BTBD2: variants seen among roughly 807,000 people sequenced by gnomAD.
The protein encoded by BTBD2 is BTB/POZ domain-containing protein 2.
A neutral mutation model predicts 44.0 loss-of-function variants in BTBD2; 15 were observed. The ratio of observed to expected loss-of-function variants is 0.34; its 90% confidence interval spans 0.23 to 0.53. The LOEUF (loss-of-function observed/expected upper bound fraction) is 0.53, where lower values mean the gene tolerates loss of function less well. Ranked by LOEUF, BTBD2 falls within the 20% of genes least tolerant of loss-of-function variation. BTBD2 has a pLI of 0.95. For synonymous variants in BTBD2, 443 were observed against 335.9 expected, an observed-to-expected ratio of 1.32 and a Z score of -3.49; for missense variants, 657 against 746.4, an observed-to-expected ratio of 0.88 and a Z score of 1.39.
At position 2,000,122 on chromosome 19, in the gene BTBD2, G is replaced by A. The variant is rs115455950; in HGVS notation, c.408-2659C>T. ...CCTCCCTTGAGCCTCCAGAGGGAGC[G>A]CCGCCCTCGGACGCCTTGATCCATG... On this transcript the variant is annotated intron_variant, in intron 1 of 8. Coordinates refer to ENST00000255608, the MANE Select transcript of BTBD2 (RefSeq NM_017797.4). Among the ~76,000 whole-genome samples the A allele has an allele frequency of 3.0e-3, 458 of 152,282 alleles. 2 individuals are homozygous for A. The highest frequency in any genetic ancestry group is 9.9e-3 in the African/African-American group (411 of 41,570).
intron 1 of BTBD2, among the ~76,000 whole-genome samples, chr19:2,005,350 C>CT (rs911616131): frequency 5.9e-5 from 9 of 152,280 alleles, no homozygotes; most frequent in African/African-American, 1.9e-4. Flanking sequence ...GGGTCTCACT[C>CT]TGTCACCCAG....
intron 1 of BTBD2, among the ~76,000 whole-genome samples, chr19:2,006,584 A>C (rs2016397805): frequency 6.6e-6 from 1 of 152,000 alleles, no homozygotes; most frequent in Non-Finnish European, 1.5e-5. Context: ...AAATTCCTTT[A>C]TCACTTGACA....
At chr19:1,989,037 C>T (rs569014977) in intron 5 of BTBD2, among the ~76,000 whole-genome samples, 2 of 152,186 alleles carry the variant, frequency 1.3e-5, no homozygotes, top group Non-Finnish European at 2.9e-5. Context: ...CTCAGCCTCC[C>T]GGGTAGCTGG....
intron 1 of BTBD2, among the ~76,000 whole-genome samples, chr19:2,001,621 G>C (rs894869365): frequency 6.6e-6 from 1 of 152,244 alleles, no homozygotes; most frequent in African/African-American, 2.4e-5. Context: ...GAACCTCCAA[G>C]CTGGTGACTT....
At chr19:1,999,058 T>G (rs947112941) in intron 1 of BTBD2, among the ~76,000 whole-genome samples, 1 of 152,080 alleles carries the variant, frequency 6.6e-6, no homozygotes, top group Non-Finnish European at 1.5e-5. Flanking sequence ...CAGGACTGGC[T>G]GGGCGACCTC....
rs369813811 is a variant in BTBD2, at chr19:1,987,724, G to A, written c.989-32C>T. 276 of 1,549,398 alleles carry A rather than the reference G, an allele frequency of 1.8e-4. No homozygotes were observed. The African/African-American group carries it at 3.4e-3, about 19-fold the overall frequency. On this transcript the variant is annotated intron_variant, in intron 5 of 8. Coordinates refer to ENST00000255608, the MANE Select transcript of BTBD2 (RefSeq NM_017797.4). ...CACAGGGAGGGTGTGGGGGAGGGCCGGGCTGCACCCCAGGATCCCGAGTGC... is the reference window on the plus strand; with the variant it reads ...CACAGGGAGGGTGTGGGGGAGGGCCAGGCTGCACCCCAGGATCCCGAGTGC...
At chr19:2,010,640 CACCT>C (rs1281433756) in intron 1 of BTBD2, among the ~76,000 whole-genome samples, 1 of 150,982 alleles carries the variant, frequency 6.6e-6, no homozygotes, top group Admixed American at 6.6e-5. Flanking sequence ...GACATCCCCC[CACCT>C]TTTTTTTTTT....
chr19:1,999,726 C>T (rs972430154), intron 1 of BTBD2, among the ~76,000 whole-genome samples: 7 of 151,632 alleles, frequency 4.6e-5, no homozygotes, highest in Admixed American at 2.6e-4. Flanking sequence ...TTTGGGAGGC[C>T]AAGGCAGGCA....
At chr19:1,995,268 T>C (rs905965793) in intron 2 of BTBD2, among the ~76,000 whole-genome samples, 7 of 128,438 alleles carry the variant, frequency 5.5e-5, no homozygotes, top group African/African-American at 2.2e-4. Context: ...CGCCTAGCCA[T>C]ACTTTGGATT....
At position 2,015,285 on chromosome 19, in the gene BTBD2, C is replaced by T. The variant is rs1568225280; in HGVS notation, c.407+12G>A. The T allele has an allele frequency of 2.6e-6, 4 of 1,539,796 alleles. No individual in the cohort carries two copies. Among genetic ancestry groups the T allele is most frequent in the East Asian group, 2.4e-5 (1 of 41,226 alleles). On this transcript the variant is annotated intron_variant, in intron 1 of 8. Coordinates refer to ENST00000255608, the MANE Select transcript of BTBD2 (RefSeq NM_017797.4). ...GGGTCGGGGCCAGGGCTGGCGGGGT[C>T]GGGGCGCCCACCTGTGCGCGGGGAT...
In BTBD2 at chr19:1,986,314, C is replaced by T. The variant is rs529099856; in HGVS notation, c.*174G>A. 20 of 784,508 alleles carry T rather than the reference C, an allele frequency of 2.5e-5. No individual in the cohort carries two copies. In the Admixed American group the frequency reaches 3.2e-4, roughly 13 times the overall value. The allele number at this position is 784,508 out of a possible 1,614,324, so 48.6% of individuals were successfully genotyped here. A position where few individuals can be genotyped will look rare whatever the true frequency, so the allele number is the denominator to read the frequency against. On this transcript the variant is annotated 3_prime_UTR_variant, in exon 9 of 9. Transcript: ENST00000255608. Reference sequence around the variant, plus strand: ...GCTGCCCTGATCCAGCAGCCACACTCGTGGTGAACACAGGGCAACCCCGTC... The same window carrying T: ...GCTGCCCTGATCCAGCAGCCACACTTGTGGTGAACACAGGGCAACCCCGTC...
Position 1,990,034 on chromosome 19 carries a change from G to A in BTBD2, c.958C>T (p.Pro320Ser). 1 of 1,613,354 alleles carries A rather than the reference G, an allele frequency of 6.2e-7. No homozygotes were observed. Among genetic ancestry groups the A allele is most frequent in the Non-Finnish European group, 8.5e-7 (1 of 1,180,028 alleles). The change falls in exon 5 of 9, where the codon CCG (proline) becomes TCG (serine). Residue 320 changes from proline to serine, a missense_variant. Physicochemically the swap from Pro to Ser is moderately conservative, Grantham distance 74. Around this residue, in one of 3 missense-constraint regions of BTBD2, gnomAD observed 449 missense variants for 510.9 expected, o/e 0.88. Coordinates refer to ENST00000255608, the MANE Select transcript of BTBD2 (RefSeq NM_017797.4). ...GCGAACTCCTCGATGGTCATGAGCG[G>A]GAAGCGAATGAGGCCCAGGGCCTTG... ...LGKALGLIRF[P>S]LMTIEEFAAG...
chr19:1,987,799 G>T, intron 5 of BTBD2, 107 bp from the exon 6 acceptor site: 1 of 1,200,990 alleles, frequency 8.3e-7, no homozygotes, highest in Non-Finnish European at 1.1e-6. Context: ...GGACTTTCAA[G>T]GTGCAGGGAC....
At chr19:1,987,032 C>T (rs920007441) in intron 7 of BTBD2, 56 bp from the exon 8 acceptor site, 9 of 1,596,310 alleles carry the variant, frequency 5.6e-6, no homozygotes, top group African/African-American at 2.7e-5. Flanking sequence ...ACGGGGACCC[C>T]TCGAGGCCCA....
intron 1 of BTBD2, chr19:2,003,642 C>A (rs1366033787): frequency 6.6e-6 from 1 of 151,908 alleles, no homozygotes; most frequent in Admixed American, 6.6e-5. Context: ...GTGATGCATG[C>A]CTGTAATCCC....
At chr19:1,990,258 G>T (rs2016155859) in intron 4 of BTBD2, 57 bp from the exon 5 acceptor site, 1 of 1,529,842 alleles carries the variant, frequency 6.5e-7, no homozygotes, top group African/African-American at 1.4e-5. Context: ...CACCCTGCAG[G>T]AGGCAGTGAG....
chr19:1,998,825 C>T lies in BTBD2; in HGVS notation c.408-1362G>A, dbSNP rs76493645. ...GACGCTGGTGGGGCGGGTTCACAGACGCTCGCGAAGTGGGATCACAGACGC... is the reference window on the plus strand; with the variant it reads ...GACGCTGGTGGGGCGGGTTCACAGATGCTCGCGAAGTGGGATCACAGACGC... On this transcript the variant is annotated intron_variant, in intron 1 of 8. Coordinates refer to ENST00000255608, the MANE Select transcript of BTBD2 (RefSeq NM_017797.4). 5.3e-5 allele frequency among the ~76,000 whole-genome samples: 8 copies of T among 152,032 alleles called. 1 individual carries two copies. Among genetic ancestry groups the T allele is most frequent in the South Asian group, 4.1e-4 (2 of 4,830 alleles).
intron 2 of BTBD2, among the ~76,000 whole-genome samples, chr19:1,994,587 G>A (rs1028221898): frequency 2.0e-5 from 3 of 151,400 alleles, no homozygotes; most frequent in Non-Finnish European, 4.4e-5. Context: ...GATGAAACCG[G>A]GTCTCTACTA....
intron 5 of BTBD2, 160 bp from the exon 6 acceptor site, chr19:1,987,852 C>T (rs1031035098): frequency 4.4e-6 from 3 of 680,898 alleles, no homozygotes; most frequent in Non-Finnish European, 7.2e-6. Context: ...AGCCATGGCC[C>T]CTGCTGCCTG....
Sources: allele counts gnomAD v4.1 joint callset (sites outside exome capture counted in the v4.1 genomes callset), GRCh38; gene constraint gnomAD v4.1.1; regional missense constraint gnomAD v4.1.1; transcripts MANE v1.5; gene names NCBI Gene and HGNC (gene_info 2026-07-23, HGNC 2026-07-21).